The following ERC2 variants were observed in gnomAD, a reference collection of about 807,000 sequenced individuals.
ERC2 encodes the protein ELKS/RAB6-interacting/CAST family member 2, also known as ERC protein 2.
A neutral mutation model predicts 114.8 loss-of-function variants in ERC2; 42 were observed. That is an observed-to-expected ratio of 0.37 (90% CI 0.29 to 0.47). The LOEUF is 0.47. Among genes scored for constraint, ERC2 ranks in the 20% least tolerant of loss-of-function variants. The pLI is 0.99. For synonymous variants in ERC2, 454 were observed against 425.5 expected (o/e 1.07, Z -0.82); for missense variants, 939 against 1,150.7 (o/e 0.82, Z 2.66).
chr3:56,187,710 G>A (rs977542332), intron 3 of ERC2, among the ~76,000 whole-genome samples: 2 of 152,156 alleles, frequency 1.3e-5, no homozygotes, highest in Non-Finnish European at 2.9e-5. Context: ...AATTGTAAAT[G>A]TATACAGGTA....
chr3:55,867,272 C>G (rs2149274482), intron 14 of ERC2, among the ~76,000 whole-genome samples: 1 of 152,230 alleles, frequency 6.6e-6, no homozygotes, highest in Admixed American at 6.5e-5. Flanking sequence ...ATGTCTTGAT[C>G]ATCTTGGCAG....
rs2077198960 is a variant in ERC2, at chr3:56,080,937, A to G, written c.1521T>C (p.Asn507=). The G allele has an allele frequency of 1.2e-6, 2 of 1,612,848 alleles. No individual in the cohort carries two copies. The highest frequency in any genetic ancestry group is 1.3e-5 in the African/African-American group (1 of 74,760). The part of the protein sequence containing the change: ...LRLEEKESFL[N]KKTKQLQDLT... The stretch of plus-strand genomic sequence containing the variant: ...GGTCCTGTAGCTGTTTTGTTTTTTT[A>G]TTGAGGAAAGATTCTTTTTCTTCCA... Residue 507 remains asparagine (N), a synonymous_variant, in exon 7 of 18, where the codon AAT becomes AAC. Coordinates refer to ENST00000288221, the MANE Select transcript of ERC2 (RefSeq NM_015576.3).
At chr3:55,779,376 C>T (rs999469150) in intron 14 of ERC2, among the ~76,000 whole-genome samples, 6 of 150,264 alleles carry the variant, frequency 4.0e-5, no homozygotes, top group African/African-American at 1.5e-4. Flanking sequence ...GTGGCGGTGC[C>T]TGTAATCCCA....
chr3:55,821,674 T>A (rs2060129490), intron 14 of ERC2, among the ~76,000 whole-genome samples: 1 of 152,342 alleles, frequency 6.6e-6, no homozygotes, highest in Non-Finnish European at 1.5e-5. Context: ...CATGCAAATG[T>A]CTCACAGGGA....
intron 13 of ERC2, among the ~76,000 whole-genome samples, chr3:55,926,135 T>C (rs890198504): frequency 2.6e-5 from 4 of 152,210 alleles, no homozygotes; most frequent in African/African-American, 9.6e-5. Context: ...TTAAATAGTG[T>C]ATACATCATT....
chr3:56,296,521 T>G (rs980879259), intron 2 of ERC2, 86 bp from the exon 3 acceptor site: 3 of 1,366,380 alleles, frequency 2.2e-6, no homozygotes, highest in African/African-American at 2.9e-5. Context: ...GCCACCACAC[T>G]ATGAAGATGG....
Position 55,699,440 on chromosome 3 carries a change from GATGGTGGTGGTGGTGGTA to G in ERC2, c.2767_2784del (p.Tyr923_His928del). 1 of 1,613,824 alleles carries G rather than the reference GATGGTGGTGGTGGTGGTA, an allele frequency of 6.2e-7. No individual in the cohort carries two copies. The highest frequency in any genetic ancestry group is 8.5e-7 in the Non-Finnish European group (1 of 1,179,828). On this transcript the variant is annotated inframe_deletion, in exon 16 of 18. Coordinates refer to ENST00000288221, the MANE Select transcript of ERC2 (RefSeq NM_015576.3). Reference sequence around the variant, plus strand: ...CTCCCAGGAGATCGATGGTGGTGGTGATGGTGGTGGTGGTGGTAATGGTGATGGTCATCATCATAGTTG... The same window carrying G: ...CTCCCAGGAGATCGATGGTGGTGGTGATGGTGATGGTCATCATCATAGTTG...
chr3:56,442,135 C>T (rs2062343345), intron 1 of ERC2, among the ~76,000 whole-genome samples: 1 of 152,200 alleles, frequency 6.6e-6, no homozygotes, highest in Non-Finnish European at 1.5e-5. Flanking sequence ...AAGCCACCAT[C>T]TCCTCTTGAG....
At chr3:55,623,554 T>C (rs1409829609) in intron 17 of ERC2, among the ~76,000 whole-genome samples, 2 of 152,234 alleles carry the variant, frequency 1.3e-5, no homozygotes, top group African/African-American at 2.4e-5. Context: ...GTAGTTCACA[T>C]CTGTTCCCCT....
At chr3:56,390,450 C>T (rs1478274185) in intron 2 of ERC2, among the ~76,000 whole-genome samples, 1 of 152,094 alleles carries the variant, frequency 6.6e-6, no homozygotes, top group Non-Finnish European at 1.5e-5. Context: ...AGCGATCTAA[C>T]AGTGAAAAGC....
intron 3 of ERC2, among the ~76,000 whole-genome samples, chr3:56,291,353 C>T (rs963870036): frequency 2.6e-5 from 4 of 152,182 alleles, no homozygotes; most frequent in African/African-American, 9.7e-5. Flanking sequence ...GGAGTTCCTG[C>T]GCAATGGTTT....
At chr3:55,520,279 TA>T (rs1205191761) in intron 17 of ERC2, among the ~76,000 whole-genome samples, 1 of 147,112 alleles carries the variant, frequency 6.8e-6, no homozygotes, top group Non-Finnish European at 1.5e-5. Flanking sequence ...CTACTAAAAA[TA>T]AAAAAATTAG....
At chr3:55,738,798 C>T (rs912955350) in intron 14 of ERC2, among the ~76,000 whole-genome samples, 1 of 152,174 alleles carries the variant, frequency 6.6e-6, no homozygotes, top group Non-Finnish European at 1.5e-5. Flanking sequence ...TTCTGGTGCA[C>T]ATGTGCAGAA....
intron 12 of ERC2, among the ~76,000 whole-genome samples, chr3:55,962,930 T>G (rs1559940713): frequency 6.6e-6 from 1 of 152,244 alleles, no homozygotes. Flanking sequence ...ATGTCTGTTC[T>G]GTAGTTCAGC....
chr3:55,995,444 C>T (rs1448763569), intron 10 of ERC2, among the ~76,000 whole-genome samples: 1 of 152,174 alleles, frequency 6.6e-6, no homozygotes, highest in African/African-American at 2.4e-5. Context: ...GGCAAAAGAA[C>T]TTATGTCAAG....
intron 2 of ERC2, among the ~76,000 whole-genome samples, chr3:56,332,870 T>C (rs766253691): frequency 6.6e-6 from 1 of 152,114 alleles, no homozygotes; most frequent in Non-Finnish European, 1.5e-5. Flanking sequence ...GAGAGACACT[T>C]TTCAATGGGG....
chr3:55,639,491 G>A (rs2060088794), intron 17 of ERC2, among the ~76,000 whole-genome samples: 1 of 152,080 alleles, frequency 6.6e-6, no homozygotes. Context: ...GAGACAAAGA[G>A]GAAGAAGAGT....
At chr3:55,985,940 G>A (rs1370540613) in intron 12 of ERC2, 37 bp downstream of exon 12, 1 of 1,532,678 alleles carries the variant, frequency 6.5e-7, no homozygotes, top group African/African-American at 1.4e-5. Context: ...GAGCTTAGGA[G>A]GGAAAGGCAG....
intron 10 of ERC2, among the ~76,000 whole-genome samples, chr3:55,993,181 G>A (rs1018720365): frequency 2.0e-5 from 3 of 152,000 alleles, no homozygotes; most frequent in South Asian, 2.1e-4. Context: ...TCTTCAAAGA[G>A]CAGGCAGGGA....
Sources: allele counts gnomAD v4.1 joint callset (sites outside exome capture counted in the v4.1 genomes callset), GRCh38; gene constraint gnomAD v4.1.1; transcripts MANE v1.5; gene names NCBI Gene and HGNC (gene_info 2026-07-23, HGNC 2026-07-21).